Variants in SPICE1 observed in about 807,000 individuals in gnomAD.
SPICE1 encodes spindle and centriole associated protein 1, also known as spindle and centriole-associated protein 1.
A neutral mutation model predicts 102.7 loss-of-function variants in SPICE1; 75 were observed. That is an observed-to-expected ratio of 0.73 (90% confidence interval 0.61 to 0.88). The LOEUF is 0.88. SPICE1 is among the 40% of genes least tolerant of loss of function. The probability of loss-of-function intolerance (pLI) is 0.00; values close to 1 mark genes in which losing one functional copy is unlikely to be tolerated. For missense variants in SPICE1, 979 were observed against 1,020.1 expected (o/e 0.96, Z 0.55); for synonymous variants, 308 against 350.3 (o/e 0.88, Z 1.35).
intron 8 of SPICE1, 75 bp downstream of exon 8, chr3:113,469,024 C>G: frequency 6.4e-7 from 1 of 1,563,460 alleles, no homozygotes; most frequent in Middle Eastern, 1.7e-4. Flanking sequence ...AAATAACATT[C>G]CTTCAAAAAT....
At chr3:113,469,697 A>C (rs1310332124) in intron 7 of SPICE1, among the ~76,000 whole-genome samples, 1 of 152,162 alleles carries the variant, frequency 6.6e-6, no homozygotes, top group Non-Finnish European at 1.5e-5. Context: ...AGACAGGTAG[A>C]TAGCAAAAAT....
chr3:113,500,554 G>C (rs1936989464), intron 3 of SPICE1, among the ~76,000 whole-genome samples: 1 of 151,882 alleles, frequency 6.6e-6, no homozygotes, highest in South Asian at 2.1e-4. Flanking sequence ...AATGCAAACT[G>C]AATATGTAAG....
At chr3:113,471,956 T>C (rs1158645881) in intron 7 of SPICE1, among the ~76,000 whole-genome samples, 1 of 152,128 alleles carries the variant, frequency 6.6e-6, no homozygotes, top group Non-Finnish European at 1.5e-5. Context: ...GTGGGTGCAG[T>C]GCACCGTGCG....
intron 7 of SPICE1, among the ~76,000 whole-genome samples, chr3:113,471,192 A>G (rs1377217055): frequency 3.9e-5 from 6 of 152,188 alleles, no homozygotes; most frequent in Non-Finnish European, 8.8e-5. Context: ...GCCTGTCACT[A>G]TTACCTTATA....
intron 11 of SPICE1, among the ~76,000 whole-genome samples, chr3:113,463,891 A>C (rs1194770694): frequency 6.6e-6 from 1 of 152,132 alleles, no homozygotes; most frequent in Non-Finnish European, 1.5e-5. Context: ...ACACGGTGAA[A>C]CCTCATCTCT....
intron 7 of SPICE1, among the ~76,000 whole-genome samples, chr3:113,487,130 C>A (rs553557591): frequency 1.3e-5 from 2 of 152,168 alleles, no homozygotes; most frequent in South Asian, 4.1e-4. Context: ...TTTTAGAAAT[C>A]TGCAAACAAT....
At chr3:113,482,972 T>C (rs149049210) in intron 7 of SPICE1, among the ~76,000 whole-genome samples, 73 of 152,350 alleles carry the variant, frequency 4.8e-4, no homozygotes, top group African/African-American at 1.6e-3. Context: ...GGGGATAGCA[T>C]TGAATCTATA....
chr3:113,479,097 G>T (rs1936430103), intron 7 of SPICE1, among the ~76,000 whole-genome samples: 1 of 150,510 alleles, frequency 6.6e-6, no homozygotes, highest in African/African-American at 2.4e-5. Context: ...TTAGCATTAG[G>T]TGTATCTCCT....
At chr3:113,471,508 T>C (rs904720094) in intron 7 of SPICE1, among the ~76,000 whole-genome samples, 1 of 152,134 alleles carries the variant, frequency 6.6e-6, no homozygotes, top group Admixed American at 6.5e-5. Context: ...TACTGATACC[T>C]TGACGTTGGC....
chr3:113,471,272 G>A (rs1280027715), intron 7 of SPICE1, among the ~76,000 whole-genome samples: 2 of 152,130 alleles, frequency 1.3e-5, no homozygotes, highest in Middle Eastern at 3.4e-3. Flanking sequence ...GATTATCTTG[G>A]GTAGGCCCTA....
chr3:113,499,571 A>C lies in SPICE1; in HGVS notation c.159T>G (p.His53Gln). 4 of 1,610,292 alleles carry C rather than the reference A, an allele frequency of 2.5e-6. No individual in the cohort carries two copies. Among genetic ancestry groups the C allele is most frequent in the Non-Finnish European group, 2.5e-6 (3 of 1,178,826 alleles). ...RATPEDLVRR[H>Q]EIHKSKNRAL... The stretch of plus-strand genomic sequence containing the variant: ...CTCTATTCTTCGATTTGTGTATTTC[A>C]TGACGGCGTACCTATACAGAAGAGA... Residue 53 changes from histidine to glutamine, a missense_variant, in exon 4 of 18, where the codon CAT becomes CAG. Physicochemically the swap from His to Gln is conservative, Grantham distance 24. Coordinates refer to ENST00000295872, the MANE Select transcript of SPICE1 (RefSeq NM_144718.4).
chr3:113,488,693 T>C (rs76775300), intron 7 of SPICE1, among the ~76,000 whole-genome samples: 3,922 of 152,266 alleles, frequency 0.026, 65 homozygotes, highest in East Asian at 0.054. Context: ...CATGCATGCA[T>C]GTGTGTGCAT....
intron 7 of SPICE1, among the ~76,000 whole-genome samples, chr3:113,473,600 C>T (rs1936261905): frequency 6.6e-6 from 1 of 152,120 alleles, no homozygotes; most frequent in East Asian, 1.9e-4. Context: ...GGCAGAAACT[C>T]TACAAGCCAG....
chr3:113,451,330 C>T (rs78392480), intron 14 of SPICE1, among the ~76,000 whole-genome samples: 6,204 of 152,138 alleles, frequency 0.041, 153 homozygotes, highest in East Asian at 0.1. Context: ...ATTCCCCCCC[C>T]AAATGTGCTT....
intron 5 of SPICE1, 91 bp from the exon 6 acceptor site, chr3:113,493,403 T>C: frequency 9.9e-7 from 1 of 1,005,148 alleles, no homozygotes; most frequent in Non-Finnish European, 1.5e-6. Context: ...CATCATCATA[T>C]GAAAATCTTA....
chr3:113,467,963 C>T (rs1034757409), intron 10 of SPICE1, among the ~76,000 whole-genome samples, 176 bp downstream of exon 10: 3 of 152,122 alleles, frequency 2.0e-5, no homozygotes, highest in Admixed American at 6.5e-5. Context: ...TATCAACTAA[C>T]GGCAGAAAAG....
chr3:113,459,451 C>CAA, intron 12 of SPICE1: 7 of 965,810 alleles, frequency 7.2e-6, no homozygotes, highest in Middle Eastern at 5.5e-4. Flanking sequence ...CAAAACAAAA[C>CAA]AAAACAAAAA....
At chr3:113,456,800 T>A (rs1935789282) in intron 13 of SPICE1, among the ~76,000 whole-genome samples, 1 of 152,226 alleles carries the variant, frequency 6.6e-6, no homozygotes, top group Non-Finnish European at 1.5e-5. Flanking sequence ...CTTTGGAGTA[T>A]AATCTCCTGC....
chr3:113,486,085 T>C (rs1281279347), intron 7 of SPICE1, among the ~76,000 whole-genome samples: 1 of 151,614 alleles, frequency 6.6e-6, no homozygotes, highest in Non-Finnish European at 1.5e-5. Context: ...CACTCCAGCC[T>C]GGGCAACAGA....
Sources: gnomAD v4.1 joint callset for allele counts (sites outside exome capture counted in the v4.1 genomes callset) on GRCh38, gnomAD v4.1.1 for gene constraint, MANE v1.5 for transcripts, NCBI Gene and HGNC (gene_info 2026-07-23, HGNC 2026-07-21) for gene names.